Variants in PIK3CD observed in about 807,000 individuals in gnomAD.
The protein encoded by PIK3CD is phosphatidylinositol-4,5-bisphosphate 3-kinase catalytic subunit delta, also known as phosphatidylinositol 4,5-bisphosphate 3-kinase catalytic subunit delta isoform.
Under a neutral mutation model 122.9 loss-of-function variants are expected in PIK3CD, and 20 were observed. The observed-to-expected ratio is 0.16, with a 90% CI of 0.11 to 0.24. The LOEUF (loss-of-function observed/expected upper bound fraction) is 0.24, where lower values mean the gene tolerates loss of function less well. Ranked by LOEUF, PIK3CD falls within the 10% of genes least tolerant of loss-of-function variation. The pLI, the probability that PIK3CD is intolerant of heterozygous loss-of-function variation, is 1.00. For missense variants in PIK3CD, 787 were observed against 1,406.3 expected (o/e 0.56, Z 7.04); for synonymous variants, 596 against 593.4 (o/e 1.00, Z -0.06).
At chr1:9,673,261 TA>T (rs1645390621) in intron 1 of PIK3CD, among the ~76,000 whole-genome samples, 2 of 151,980 alleles carry the variant, frequency 1.3e-5, no homozygotes, top group South Asian at 2.1e-4. Flanking sequence ...CTAATTTTTT[TA>T]TTTTTTTAAT....
the PIK3CD span, among the ~76,000 whole-genome samples, chr1:9,628,488 A>G: frequency 6.6e-6 from 1 of 152,304 alleles, no homozygotes; most frequent in South Asian, 2.1e-4. Flanking sequence ...AGCAATTCTA[A>G]AAGTTGAGCA....
At chr1:9,716,814 TG>T in intron 6 of PIK3CD, 144 bp from the exon 7 acceptor site, 1 of 1,251,354 alleles carries the variant, frequency 8.0e-7, no homozygotes, top group Non-Finnish European at 1.2e-6. Flanking sequence ...GAGGTGGAGG[TG>T]GGGCAGGAAA....
chr1:9,646,403 A>G, the PIK3CD span, among the ~76,000 whole-genome samples: 9 of 152,248 alleles, frequency 5.9e-5, no homozygotes, highest in African/African-American at 1.9e-4. Flanking sequence ...AGAAACCTCA[A>G]TGAAAGGTGA....
chr1:9,671,485 C>T (rs1358011088), intron 1 of PIK3CD, among the ~76,000 whole-genome samples: 1 of 152,178 alleles, frequency 6.6e-6, no homozygotes, highest in African/African-American at 2.4e-5. Flanking sequence ...GAGCCCTGCT[C>T]AGCCTAGCTG....
At chr1:9,721,737 C>A (rs763147939) in intron 15 of PIK3CD, 24 bp from the exon 16 acceptor site, 9 of 1,611,264 alleles carry the variant, frequency 5.6e-6, no homozygotes, top group Non-Finnish European at 7.6e-6. Context: ...CCTGGTGAGG[C>A]TCAGCCCTCC....
the PIK3CD span, among the ~76,000 whole-genome samples, chr1:9,644,164 T>G: frequency 1.3e-5 from 2 of 152,182 alleles, no homozygotes; most frequent in Non-Finnish European, 2.9e-5. Flanking sequence ...TGTGAGTTGC[T>G]TGGCTTTTGG....
intron 1 of PIK3CD, among the ~76,000 whole-genome samples, chr1:9,655,583 G>A (rs571309746): frequency 7.9e-5 from 12 of 151,440 alleles, no homozygotes; most frequent in Non-Finnish European, 1.0e-4. Context: ...TGCACTGGCT[G>A]GATATGCGTG....
chr1:9,667,858 T>C (rs1570115770), intron 1 of PIK3CD, among the ~76,000 whole-genome samples: 1 of 142,134 alleles, frequency 7.0e-6, no homozygotes, highest in African/African-American at 2.6e-5. Context: ...CACCTTAGCC[T>C]CCCAAGTAGC....
At chr1:9,688,564 G>C (rs937948288) in intron 1 of PIK3CD, among the ~76,000 whole-genome samples, 1 of 150,698 alleles carries the variant, frequency 6.6e-6, no homozygotes, top group African/African-American at 2.4e-5. Flanking sequence ...AAAAACTGGA[G>C]CGCCTGGCCG....
chr1:9,630,170 A>C, the PIK3CD span, among the ~76,000 whole-genome samples: 3 of 152,240 alleles, frequency 2.0e-5, no homozygotes, highest in Non-Finnish European at 4.4e-5. Context: ...GGACTGATCC[A>C]GGCTGGACCC....
At chr1:9,716,245 A>G in intron 5 of PIK3CD, 167 bp downstream of exon 5, 1 of 815,556 alleles carries the variant, frequency 1.2e-6, no homozygotes, top group Middle Eastern at 3.4e-4. Context: ...CCCCCAGGCA[A>G]GCTCAACGTG....
Position 9,724,478 on chromosome 1 carries a change from G to A in PIK3CD, c.2864+57G>A. 6.3e-7 allele frequency: 1 copy of A among 1,595,868 alleles called. No individual in the cohort carries two copies. The highest frequency in any genetic ancestry group is 1.3e-5 in the African/African-American group (1 of 74,602). Reference sequence around the variant, plus strand: ...TCGGTGTGGGGCCCCAGGGAACAGGGCAGAGGTTCCCAGGCAGGGTGCAGG... The same window carrying A: ...TCGGTGTGGGGCCCCAGGGAACAGGACAGAGGTTCCCAGGCAGGGTGCAGG... On this transcript the variant is annotated intron_variant, in intron 22 of 23. Coordinates refer to ENST00000377346, the MANE Select transcript of PIK3CD (RefSeq NM_005026.5). The surrounding 1 kb of genome is among the most constrained non-coding windows in gnomAD (Gnocchi z 7.3).
chr1:9,712,827 G>A (rs1449468312), intron 3 of PIK3CD, among the ~76,000 whole-genome samples: 1 of 152,002 alleles, frequency 6.6e-6, no homozygotes, highest in East Asian at 1.9e-4. Flanking sequence ...CTTGAGCCCA[G>A]GAGTTCGAGA....
intron 1 of PIK3CD, among the ~76,000 whole-genome samples, chr1:9,665,846 T>C (rs1271552036): frequency 6.6e-6 from 1 of 151,888 alleles, no homozygotes; most frequent in Non-Finnish European, 1.5e-5. Flanking sequence ...CTCCGCCTCC[T>C]GGGTTCAAGC....
At chr1:9,683,475 A>C (rs1645849551) in intron 1 of PIK3CD, among the ~76,000 whole-genome samples, 1 of 151,888 alleles carries the variant, frequency 6.6e-6, no homozygotes, top group African/African-American at 2.4e-5. Context: ...CAACAACAAA[A>C]AAAACGAGCC....
chr1:9,681,484 G>A (rs984783386), intron 1 of PIK3CD, among the ~76,000 whole-genome samples: 25 of 152,070 alleles, frequency 1.6e-4, no homozygotes, highest in African/African-American at 6.0e-4. Flanking sequence ...GCGCAATCTC[G>A]GCTCACTGCA....
At chr1:9,655,992 C>T (rs1198148265) in intron 1 of PIK3CD, among the ~76,000 whole-genome samples, 9 of 152,176 alleles carry the variant, frequency 5.9e-5, no homozygotes, top group East Asian at 1.9e-4. Flanking sequence ...CCACCATGCG[C>T]GGCCTTCCTA....
At chr1:9,725,079 G>GC in intron 23 of PIK3CD, 143 bp downstream of exon 23, 1 of 1,081,626 alleles carries the variant, frequency 9.2e-7, no homozygotes, top group Non-Finnish European at 1.4e-6. Flanking sequence ...GGACCCAGCA[G>GC]TGGAGCTGGT....
chr1:9,669,289 G>T (rs1645252104), intron 1 of PIK3CD, among the ~76,000 whole-genome samples: 1 of 152,132 alleles, frequency 6.6e-6, no homozygotes, highest in South Asian at 2.1e-4. Flanking sequence ...CCACCTAGTA[G>T]TTGGGACAAC....
Sources: gnomAD v4.1 joint callset for allele counts (sites outside exome capture counted in the v4.1 genomes callset) on GRCh38, gnomAD v4.1.1 for gene constraint, Gnocchi (gnomAD v3.1) non-coding constraint, MANE v1.5 for transcripts, NCBI Gene and HGNC (gene_info 2026-07-23, HGNC 2026-07-21) for gene names.